BLMH: variants seen among roughly 807,000 people sequenced by gnomAD.
The protein encoded by BLMH is bleomycin hydrolase, also known as BLM hydrolase.
In BLMH, 32 loss-of-function variants were observed where a neutral mutation model predicts 61.6. The observed-to-expected ratio is 0.52, with a 90% CI of 0.39 to 0.70. The LOEUF (loss-of-function observed/expected upper bound fraction) is 0.70, where lower values mean the gene tolerates loss of function less well. Among genes scored for constraint, BLMH ranks in the 30% least tolerant of loss-of-function variants. The pLI is 0.00. For synonymous variants in BLMH, 183 were observed against 193.8 expected (o/e 0.94, Z 0.46); for missense variants, 460 against 555.5 (o/e 0.83, Z 1.73).
intron 3 of BLMH, among the ~76,000 whole-genome samples, chr17:30,288,763 G>A (rs961006986): frequency 4.6e-5 from 7 of 152,080 alleles, no homozygotes; most frequent in South Asian, 4.1e-4. Context: ...TCAGGAGTTC[G>A]AGACCAGTCT....
intron 11 of BLMH, among the ~76,000 whole-genome samples, chr17:30,263,059 A>G (rs886828274): frequency 1.3e-5 from 2 of 152,152 alleles, no homozygotes; most frequent in African/African-American, 2.4e-5. Context: ...ACAGTTTTAT[A>G]TCCCTTCATC....
At chr17:30,288,003 T>C (rs1476618818) in intron 3 of BLMH, 56 bp from the exon 4 acceptor site, 137 of 1,525,262 alleles carry the variant, frequency 9.0e-5, no homozygotes, top group Middle Eastern at 1.7e-4. Flanking sequence ...AATAATTTTA[T>C]TGGCATTATC....
At position 30,291,858 on chromosome 17, in the gene BLMH, G is replaced by A. The variant is rs1441785500; in HGVS notation, c.-39C>T. 1.6e-6 allele frequency: 2 copies of A among 1,287,944 alleles called. No individual in the cohort carries two copies. The allele number at this position is 1,287,944 out of a possible 1,614,324, so 79.8% of individuals were successfully genotyped here. On this transcript the variant is annotated 5_prime_UTR_variant, in exon 1 of 12. Transcript: ENST00000261714. Reference sequence around the variant, plus strand: ...CCCGGCGGGGTAACGGTAGCTTCCAGGGTCCTTGGGCGAGCGCCGGGATTG... The same window carrying A: ...CCCGGCGGGGTAACGGTAGCTTCCAAGGTCCTTGGGCGAGCGCCGGGATTG...
At chr17:30,274,512 G>A (rs1908366144) in intron 6 of BLMH, among the ~76,000 whole-genome samples, 1 of 152,166 alleles carries the variant, frequency 6.6e-6, no homozygotes, top group African/African-American at 2.4e-5. Flanking sequence ...TACCCAGCAA[G>A]ATCTGAGTTG....
chr17:30,273,031 G>T (rs1908318412), intron 7 of BLMH, 132 bp from the exon 8 acceptor site: 3 of 992,220 alleles, frequency 3.0e-6, no homozygotes, highest in Non-Finnish European at 4.4e-6. Flanking sequence ...CAGCCACATT[G>T]TTAAGTAACA....
chr17:30,252,053 T>G (rs186152556), intron 11 of BLMH: 1 of 152,192 alleles, frequency 6.6e-6, no homozygotes, highest in African/African-American at 2.4e-5. Flanking sequence ...TGTATCTGCA[T>G]CTGTGTTTAA....
intron 6 of BLMH, among the ~76,000 whole-genome samples, chr17:30,283,591 G>A (rs182974240): frequency 8.3e-4 from 120 of 144,660 alleles, no homozygotes; most frequent in Non-Finnish European, 1.1e-3. Context: ...GCACAATCTC[G>A]GCTCACTGCA....
chr17:30,256,243 A>G (rs1419575110), intron 11 of BLMH, among the ~76,000 whole-genome samples: 2 of 151,390 alleles, frequency 1.3e-5, no homozygotes, highest in Non-Finnish European at 2.9e-5. Context: ...GTTACAGTAC[A>G]CTCTATATTT....
At chr17:30,273,015 G>A (rs1908317500) in intron 7 of BLMH, 116 bp from the exon 8 acceptor site, 1 of 1,129,482 alleles carries the variant, frequency 8.9e-7, no homozygotes, top group African/African-American at 1.6e-5. Flanking sequence ...TACAAGCTAA[G>A]TACTACAGCC....
In BLMH at chr17:30,289,239, C is replaced by G. The variant is rs189702138; in HGVS notation, c.321+134G>C. The G allele has an allele frequency of 7.1e-3, 3,288 of 461,496 alleles. 18 individuals carry two copies. Among genetic ancestry groups the G allele is most frequent in the Non-Finnish European group, 8.6e-3 (2,342 of 271,234 alleles). 28.6% of individuals were successfully genotyped at this position (461,496 alleles called of 1,614,324 possible). A position where few individuals can be genotyped will look rare whatever the true frequency, so the allele number is the denominator to read the frequency against. On this transcript the variant is annotated intron_variant, in intron 3 of 11. Transcript: ENST00000261714. ...TTTGAAAGAGTCAACTTTTGATACTCTGGAAGTCAGAATAAAAGGTGTCTC... is the reference window on the plus strand; with the variant it reads ...TTTGAAAGAGTCAACTTTTGATACTGTGGAAGTCAGAATAAAAGGTGTCTC...
intron 1 of BLMH, 148 bp from the exon 2 acceptor site, chr17:30,291,656 G>A: frequency 7.3e-7 from 1 of 1,372,086 alleles, no homozygotes; most frequent in Non-Finnish European, 9.8e-7. Flanking sequence ...CCTCCAAGGA[G>A]CTGTCTCCCT....
intron 6 of BLMH, among the ~76,000 whole-genome samples, chr17:30,276,989 G>A (rs1019419263): frequency 6.6e-6 from 1 of 152,160 alleles, no homozygotes; most frequent in Non-Finnish European, 1.5e-5. Flanking sequence ...TCCTTTGGCT[G>A]ACATAATGTC....
intron 6 of BLMH, among the ~76,000 whole-genome samples, chr17:30,281,467 AATT>A (rs1324867531): frequency 6.6e-6 from 1 of 151,916 alleles, no homozygotes; most frequent in Non-Finnish European, 1.5e-5. Flanking sequence ...TTGCTTCTTC[AATT>A]ATTACTTCTC....
intron 2 of BLMH, 50 bp from the exon 3 acceptor site, chr17:30,289,532 A>G: frequency 1.6e-6 from 2 of 1,225,816 alleles, no homozygotes; most frequent in Admixed American, 2.2e-5. Context: ...CATAGACTGC[A>G]CTGCTCCAAC....
chr17:30,290,378 A>G (rs557371536), intron 2 of BLMH, among the ~76,000 whole-genome samples: 3 of 152,338 alleles, frequency 2.0e-5, no homozygotes, highest in Admixed American at 1.3e-4. Context: ...TACTAACTGG[A>G]TCATCTGTAG....
chr17:30,273,157 C>A, intron 7 of BLMH: 1 of 339,742 alleles, frequency 2.9e-6, no homozygotes. Context: ...AGAACTGCTC[C>A]AAAAGCAATT....
chr17:30,265,223 C>T (rs1000030389), intron 11 of BLMH, among the ~76,000 whole-genome samples: 15 of 152,272 alleles, frequency 9.9e-5, no homozygotes, highest in African/African-American at 3.6e-4. Flanking sequence ...AGTGATTATT[C>T]TCATAGAGAG....
At chr17:30,281,169 CG>C (rs961098396) in intron 6 of BLMH, among the ~76,000 whole-genome samples, 1 of 146,046 alleles carries the variant, frequency 6.8e-6, no homozygotes. Context: ...TAAATGTTTT[CG>C]GGCACAGAAA....
intron 11 of BLMH, among the ~76,000 whole-genome samples, chr17:30,259,724 T>C (rs958924182): frequency 2.0e-5 from 3 of 152,204 alleles, no homozygotes; most frequent in African/African-American, 7.2e-5. Flanking sequence ...GAGACATTCA[T>C]TCCACCATGG....
Sources: gnomAD v4.1 joint callset for allele counts (sites outside exome capture counted in the v4.1 genomes callset) on GRCh38, gnomAD v4.1.1 for gene constraint, MANE v1.5 for transcripts, NCBI Gene and HGNC (gene_info 2026-07-23, HGNC 2026-07-21) for gene names.